The following SGCD variants were observed in gnomAD, a reference collection of about 807,000 sequenced individuals.
The protein encoded by SGCD is sarcoglycan delta.
In SGCD, 18 loss-of-function variants were observed where a neutral mutation model predicts 36.6. That is an observed-to-expected ratio of 0.49 (90% CI 0.34 to 0.73). SGCD has a LOEUF of 0.73. SGCD is among the 30% of genes least tolerant of loss of function. The pLI is 0.01. For synonymous variants in SGCD, 133 were observed against 130.6 expected (o/e 1.02, Z -0.12); for missense variants, 387 against 346.7 (o/e 1.12, Z -0.92).
intron 6 of SGCD, among the ~76,000 whole-genome samples, chr5:156,629,863 T>C (rs887733092): frequency 3.5e-5 from 5 of 144,438 alleles, no homozygotes; most frequent in Non-Finnish European, 6.2e-5. Context: ...TTCTTTTTTT[T>C]TTTTTTTTTT....
intron 1 of SGCD, among the ~76,000 whole-genome samples, chr5:156,065,629 G>A (rs1345446084): frequency 4.5e-5 from 1 of 22,462 alleles, no homozygotes; most frequent in African/African-American, 3.0e-4. Context: ...CCTGTATTGG[G>A]TGCATAAATA....
At chr5:156,302,297 G>A (rs1248312779) in intron 3 of SGCD, among the ~76,000 whole-genome samples, 2 of 151,770 alleles carry the variant, frequency 1.3e-5, no homozygotes, top group East Asian at 1.9e-4. Flanking sequence ...CTGTTGTTGA[G>A]AGACTGATGC....
chr5:156,591,491 C>T (rs901291565), intron 5 of SGCD, among the ~76,000 whole-genome samples: 3 of 152,126 alleles, frequency 2.0e-5, no homozygotes, highest in African/African-American at 7.2e-5. Context: ...AGTGGAGATG[C>T]TTTGGACAGC....
At chr5:156,466,341 A>G (rs1754720706) in intron 3 of SGCD, among the ~76,000 whole-genome samples, 2 of 152,220 alleles carry the variant, frequency 1.3e-5, no homozygotes, top group Admixed American at 1.3e-4. Flanking sequence ...TCTTGTACAC[A>G]ACTATTTATT....
the SGCD span, among the ~76,000 whole-genome samples, chr5:155,765,364 GAGGA>G: frequency 5.8e-5 from 8 of 138,878 alleles, no homozygotes; most frequent in African/African-American, 1.3e-4. Flanking sequence ...GGGAGGGAGG[GAGGA>G]AGGAAGGAAG....
intron 3 of SGCD, among the ~76,000 whole-genome samples, chr5:156,401,211 C>A (rs1230094849): frequency 2.6e-5 from 4 of 152,084 alleles, no homozygotes; most frequent in African/African-American, 9.7e-5. Context: ...ATTAAAGCAG[C>A]TATGGAAAGG....
chr5:156,645,382 G>A (rs1763189014), intron 6 of SGCD, among the ~76,000 whole-genome samples: 2 of 152,118 alleles, frequency 1.3e-5, no homozygotes, highest in South Asian at 4.1e-4. Flanking sequence ...GTAAACAATG[G>A]TGTGAAAATC....
intron 7 of SGCD, among the ~76,000 whole-genome samples, chr5:156,694,453 C>A (rs1485562528): frequency 6.6e-6 from 1 of 152,188 alleles, no homozygotes; most frequent in African/African-American, 2.4e-5. Flanking sequence ...TAGTGCTTTA[C>A]AATTTTTAAT....
intron 1 of SGCD, among the ~76,000 whole-genome samples, chr5:156,033,298 A>G (rs1759400269): frequency 6.6e-6 from 1 of 152,150 alleles, no homozygotes; most frequent in Non-Finnish European, 1.5e-5. Flanking sequence ...CATATATTGC[A>G]TAATAGTAAG....
intron 7 of SGCD, among the ~76,000 whole-genome samples, chr5:156,751,267 G>C (rs1757140504): frequency 1.3e-5 from 2 of 152,130 alleles, no homozygotes. Context: ...CATATGTTGA[G>C]ATAATCTCCA....
chr5:156,233,350 C>T (rs1027863840), intron 3 of SGCD, among the ~76,000 whole-genome samples: 8 of 152,142 alleles, frequency 5.3e-5, no homozygotes, highest in African/African-American at 1.7e-4. Flanking sequence ...AACATCATAA[C>T]GGGAATTCTC....
chr5:156,196,285 G>A (rs1490792119), intron 3 of SGCD, among the ~76,000 whole-genome samples: 1 of 152,106 alleles, frequency 6.6e-6, no homozygotes, highest in Non-Finnish European at 1.5e-5. Context: ...ATAAAGGGAG[G>A]ATTCTTGACT....
chr5:155,830,254 T>C, the SGCD span, among the ~76,000 whole-genome samples: 2 of 152,236 alleles, frequency 1.3e-5, no homozygotes, highest in African/African-American at 4.8e-5. Flanking sequence ...CAGGGTGGGC[T>C]TCTCCTGAGG....
At chr5:156,285,387 C>G (rs1399208170) in intron 3 of SGCD, among the ~76,000 whole-genome samples, 1 of 152,132 alleles carries the variant, frequency 6.6e-6, no homozygotes, top group Non-Finnish European at 1.5e-5. Flanking sequence ...GCCAAAAGAA[C>G]AAAGCTGGAG....
At chr5:156,200,201 A>G (rs1764111331) in intron 3 of SGCD, among the ~76,000 whole-genome samples, 1 of 152,036 alleles carries the variant, frequency 6.6e-6, no homozygotes, top group African/African-American at 2.4e-5. Flanking sequence ...AGGGACCCTG[A>G]ATAGCCAAAA....
At chr5:156,617,639 G>C (rs1036158357) in intron 6 of SGCD, among the ~76,000 whole-genome samples, 1 of 152,162 alleles carries the variant, frequency 6.6e-6, no homozygotes, top group African/African-American at 2.4e-5. Flanking sequence ...GCTGAGGAGA[G>C]GGATCAGAGA....
At chr5:156,100,271 A>G (rs909073225) in intron 1 of SGCD, among the ~76,000 whole-genome samples, 1 of 151,926 alleles carries the variant, frequency 6.6e-6, no homozygotes, top group African/African-American at 2.4e-5. Context: ...GCTGACAAAA[A>G]CTAGGATTGG....
intron 1 of SGCD, among the ~76,000 whole-genome samples, chr5:156,030,400 G>C (rs567991242): frequency 1.3e-5 from 2 of 152,292 alleles, no homozygotes; most frequent in South Asian, 4.1e-4. Flanking sequence ...AATGCCAGGT[G>C]ACGGCAGAGG....
intron 4 of SGCD, among the ~76,000 whole-genome samples, chr5:156,529,197 A>G (rs6893816): frequency 6.6e-6 from 1 of 151,694 alleles, no homozygotes; most frequent in Non-Finnish European, 1.5e-5. Context: ...AAGGCTGAGG[A>G]GGGTGGATAA....
Sources: gnomAD v4.1 joint callset for allele counts (sites outside exome capture counted in the v4.1 genomes callset) on GRCh38, gnomAD v4.1.1 for gene constraint, MANE v1.5 for transcripts, NCBI Gene and HGNC (gene_info 2026-07-23, HGNC 2026-07-21) for gene names.